The following HEXB variants were observed in gnomAD, a reference collection of about 807,000 sequenced individuals.
The protein encoded by HEXB is beta-hexosaminidase subunit beta.
HEXB carries 51 observed loss-of-function variants against 71.2 expected under a neutral mutation model. That is an observed-to-expected ratio of 0.72 (90% CI 0.57 to 0.90). The LOEUF (loss-of-function observed/expected upper bound fraction) is 0.90. HEXB is among the 40% of genes least tolerant of loss of function. The pLI, the probability that HEXB is intolerant of heterozygous loss-of-function variation, is 0.00. For synonymous variants in HEXB, 266 were observed against 249.3 expected (o/e 1.07, Z -0.63); for missense variants, 617 against 677.0 (o/e 0.91, Z 0.98).
intron 1 of HEXB, among the ~76,000 whole-genome samples, chr5:74,661,933 A>G (rs1210373173): frequency 6.6e-6 from 1 of 152,218 alleles, no homozygotes; most frequent in Non-Finnish European, 1.5e-5. Flanking sequence ...TTCCTGGTTC[A>G]CAAAATGACC....
chr5:74,655,443 G>A (rs933461499), intron 1 of HEXB, among the ~76,000 whole-genome samples: 1 of 151,168 alleles, frequency 6.6e-6, no homozygotes, highest in Non-Finnish European at 1.5e-5. Flanking sequence ...TTCCTGAGTA[G>A]GTGAGATTAC....
rs371914695 is a variant in HEXB at position 74,685,461 on chromosome 5, G to A, written c.201G>A (p.Pro67=). The A allele has an allele frequency of 6.2e-7, 1 of 1,611,956 alleles. No homozygotes were observed. The highest frequency in any genetic ancestry group is 1.1e-5 in the South Asian group (1 of 90,854). Residue 67 remains proline, a synonymous_variant, in exon 1 of 14, where the codon CCG becomes CCA. Transcript: ENST00000261416. ...WPLPLLVKMT[P]NLLHLAPENF... is the part of the protein sequence containing the mutation. ...TGCCGCTCTTGGTGAAGATGACCCCGAACCTGCTGCATCTCGCCCCGGAGA... is the reference window on the plus strand; with the variant it reads ...TGCCGCTCTTGGTGAAGATGACCCCAAACCTGCTGCATCTCGCCCCGGAGA...
At chr5:74,720,958 T>C (rs1443437455) in intron 13 of HEXB, 160 bp from the exon 14 acceptor site, 9 of 789,858 alleles carry the variant, frequency 1.1e-5, no homozygotes, top group Non-Finnish European at 1.9e-5. Flanking sequence ...TAGAACTCCA[T>C]CTTGAGTTGC....
In HEXB at chr5:74,721,126, T is replaced by C. The variant is rs774851843; in HGVS notation, c.1622T>C (p.Ile541Thr). The part of the protein sequence containing the change: ...RHRCRMVERG[I>T]AAQPLYAGYC... ...ATTCATGTTATCTACAGACGTGGAA[T>C]AGCTGCACAACCTCTTTATGCTGGA... Residue 541 changes from isoleucine (I) to threonine (T), a missense_variant, in exon 14 of 14, where the codon ATA becomes ACA. Physicochemically the swap from Ile to Thr is moderately conservative, Grantham distance 89. Transcript: ENST00000261416. 18 of 1,612,092 alleles carry C rather than the reference T, an allele frequency of 1.1e-5. No homozygotes were observed. Among genetic ancestry groups the C allele is most frequent in the South Asian group, 3.3e-5 (3 of 91,036 alleles).
chr5:74,645,302 A>T (rs1747982865), intron 1 of HEXB, among the ~76,000 whole-genome samples: 1 of 152,208 alleles, frequency 6.6e-6, no homozygotes, highest in African/African-American at 2.4e-5. Context: ...CCTGGGCTCA[A>T]GCCATCCTCC....
intron 6 of HEXB, among the ~76,000 whole-genome samples, chr5:74,706,727 G>A (rs541628802): frequency 1.9e-4 from 29 of 152,270 alleles, no homozygotes; most frequent in African/African-American, 4.8e-4. Flanking sequence ...ACTGCAAGGC[G>A]GCAGCGAGGC....
chr5:74,713,366 A>C, intron 6 of HEXB, 140 bp from the exon 7 acceptor site: 2 of 780,190 alleles, frequency 2.6e-6, no homozygotes, highest in Non-Finnish European at 4.4e-6. Flanking sequence ...TAAATGAGTC[A>C]TCTAATATCA....
intron 6 of HEXB, chr5:74,705,642 G>A: frequency 3.6e-6 from 1 of 280,950 alleles, no homozygotes; most frequent in Non-Finnish European, 6.9e-6. Flanking sequence ...GTCCAACAGT[G>A]TATTTGTTTT....
At chr5:74,700,771 G>T (rs183908490) in intron 5 of HEXB, among the ~76,000 whole-genome samples, 1 of 151,928 alleles carries the variant, frequency 6.6e-6, no homozygotes, top group Non-Finnish European at 1.5e-5. Context: ...GCAATGGTGC[G>T]GTCTCAGCTC....
chr5:74,689,309 A>C lies in HEXB; in HGVS notation c.300-19A>C. ...GCTAAAATCCTTCTAAAATGTGTTTACATTTATTTCTCAAACAGATATCAT... is the reference window on the plus strand; with the variant it reads ...GCTAAAATCCTTCTAAAATGTGTTTCCATTTATTTCTCAAACAGATATCAT... On this transcript the variant is annotated intron_variant, in intron 1 of 13. Transcript: ENST00000261416. 1.2e-6 allele frequency: 2 copies of C among 1,604,106 alleles called. No homozygotes were observed.
intron 1 of HEXB, among the ~76,000 whole-genome samples, chr5:74,653,105 C>T (rs1421169586): frequency 2.6e-5 from 4 of 152,042 alleles, no homozygotes; most frequent in Non-Finnish European, 5.9e-5. Flanking sequence ...CAGTAGGAGG[C>T]ATTATAAAAA....
At chr5:74,696,604 C>A in intron 3 of HEXB, 89 bp from the exon 4 acceptor site, 1 of 734,908 alleles carries the variant, frequency 1.4e-6, no homozygotes, top group Non-Finnish European at 2.4e-6. Context: ...ATTTGCCTTA[C>A]CTGGTTATGA....
chr5:74,656,550 G>T (rs1748224131), intron 1 of HEXB, among the ~76,000 whole-genome samples: 1 of 145,256 alleles, frequency 6.9e-6, no homozygotes, highest in African/African-American at 2.5e-5. Context: ...TAAAAGTCAG[G>T]AGAAGCAGAT....
Position 74,685,459 on chromosome 5 carries a change from C to T in HEXB, c.199C>T (p.Pro67Ser), listed in dbSNP as rs758658319. The T allele has an allele frequency of 2.5e-6, 4 of 1,611,882 alleles. No homozygotes were observed. The highest frequency in any genetic ancestry group is 2.7e-5 in the African/African-American group (2 of 74,738). The change falls in exon 1 of 14, where the codon CCG (proline) becomes TCG (serine). Residue 67 changes from proline (P) to serine (S), a missense_variant. Transcript: ENST00000261416. ...CCTGCCGCTCTTGGTGAAGATGACC[C>T]CGAACCTGCTGCATCTCGCCCCGGA... The part of the protein sequence containing the change: ...WPLPLLVKMT[P>S]NLLHLAPENF...
At chr5:74,677,490 C>CTTTTTTTTTTTTTTTTTTT (rs566302720) in intron 1 of HEXB, among the ~76,000 whole-genome samples, 44 of 77,234 alleles carry the variant, frequency 5.7e-4, no homozygotes, top group East Asian at 9.5e-4. Flanking sequence ...TCTTCTTCTT[C>CTTTTTTTTTTTTTTTTTTT]TTTTTTTTTT....
At chr5:74,713,943 C>T (rs1248191889) in intron 7 of HEXB, among the ~76,000 whole-genome samples, 1 of 152,180 alleles carries the variant, frequency 6.6e-6, no homozygotes, top group African/African-American at 2.4e-5. Flanking sequence ...CAGGTTCAAG[C>T]GATTCTCCTG....
chr5:74,667,064 G>C (rs1249888750), intron 1 of HEXB, among the ~76,000 whole-genome samples: 1 of 152,128 alleles, frequency 6.6e-6, no homozygotes, highest in East Asian at 1.9e-4. Flanking sequence ...GTATATTACA[G>C]TGAAAGGGAA....
chr5:74,656,228 GGTGGATCACTTGAGGTCAGCAGC>G (rs1220312828), intron 1 of HEXB, among the ~76,000 whole-genome samples: 12 of 152,034 alleles, frequency 7.9e-5, no homozygotes, highest in Admixed American at 3.3e-4. Flanking sequence ...GGCCTAGCCG[GGTGGATCACTTGAGGTCAGCAGC>G]GTGGATCACT....
intron 1 of HEXB, among the ~76,000 whole-genome samples, chr5:74,670,502 G>A (rs1204745832): frequency 6.6e-6 from 1 of 152,132 alleles, no homozygotes; most frequent in Non-Finnish European, 1.5e-5. Flanking sequence ...TACACAGAAG[G>A]CTGTACTACT....
Sources: gnomAD v4.1 joint callset for allele counts (sites outside exome capture counted in the v4.1 genomes callset) on GRCh38, gnomAD v4.1.1 for gene constraint, MANE v1.5 for transcripts, NCBI Gene and HGNC (gene_info 2026-07-23, HGNC 2026-07-21) for gene names.